Variants in A4GALT observed in about 807,000 individuals in gnomAD.
A4GALT encodes lactosylceramide 4-alpha-galactosyltransferase.
For synonymous variants in A4GALT, 257 were observed against 220.7 expected (o/e 1.16, Z -1.46); for missense variants, 512 against 486.0 (o/e 1.05, Z -0.50).
At chr22:42,717,509 C>G (rs1174627529) in intron 1 of A4GALT, among the ~76,000 whole-genome samples, 1 of 152,164 alleles carries the variant, frequency 6.6e-6, no homozygotes, top group Non-Finnish European at 1.5e-5. Context: ...GCCTCCTGTC[C>G]TCACCAGCCC....
chr22:42,709,901 A>G (rs1349227874), intron 1 of A4GALT, among the ~76,000 whole-genome samples: 1 of 152,244 alleles, frequency 6.6e-6, no homozygotes. Flanking sequence ...ATAATTCATC[A>G]TATTAAATAG....
intron 1 of A4GALT, among the ~76,000 whole-genome samples, chr22:42,709,067 A>ATATATTTTTTTTTTT (rs1180529043): frequency 2.6e-4 from 33 of 128,832 alleles, no homozygotes; most frequent in South Asian, 1.3e-3. Context: ...ATATATATAT[A>ATATATTTTTTTTTTT]TTTTTTTTAA....
At chr22:42,715,478 T>C (rs1922090041) in intron 1 of A4GALT, among the ~76,000 whole-genome samples, 1 of 151,910 alleles carries the variant, frequency 6.6e-6, no homozygotes, top group Admixed American at 6.6e-5. Flanking sequence ...TCCCAGCACT[T>C]TGGGAGGTGG....
At position 42,692,379 on chromosome 22, in the gene A4GALT, A is replaced by T. The variant is rs1930495310; in HGVS notation, c.*511T>A. 1 of 312,658 alleles carries T rather than the reference A, an allele frequency of 3.2e-6. No homozygotes were observed. Among genetic ancestry groups the T allele is most frequent in the African/African-American group, 2.2e-5 (1 of 45,178 alleles). The allele number at this position is 312,658 out of a possible 1,614,324, so 19.4% of individuals were successfully genotyped here. A position where few individuals can be genotyped will look rare whatever the true frequency, so the allele number is the denominator to read the frequency against. On this transcript the variant is annotated 3_prime_UTR_variant, in exon 3 of 3. Transcript: ENST00000642412. The surrounding 1 kb of genome is among the most constrained non-coding windows in gnomAD (Gnocchi z 4.6). Reference sequence around the variant, plus strand: ...CCTCTGCCCCACTCAGTCCCTGTTGACCTCCCCCACCCCCCGCGAAAGAGG... The same window carrying T: ...CCTCTGCCCCACTCAGTCCCTGTTGTCCTCCCCCACCCCCCGCGAAAGAGG...
chr22:42,694,126 G>A (rs1267856911), intron 2 of A4GALT, 129 bp from the exon 3 acceptor site: 20 of 644,780 alleles, frequency 3.1e-5, no homozygotes, highest in Non-Finnish European at 4.8e-5. Flanking sequence ...GGCCCACAGG[G>A]GCCAAGGCTT....
chr22:42,701,869 G>A (rs994359763), intron 1 of A4GALT, among the ~76,000 whole-genome samples: 1 of 152,174 alleles, frequency 6.6e-6, no homozygotes, highest in African/African-American at 2.4e-5. Flanking sequence ...GCAGAGCCAA[G>A]GGAAGGAGAC....
intron 1 of A4GALT, among the ~76,000 whole-genome samples, chr22:42,706,354 C>CAAAAAA (rs1164664187): frequency 1.4e-4 from 12 of 83,808 alleles, no homozygotes; most frequent in East Asian, 7.7e-4. Context: ...GACTCCATCC[C>CAAAAAA]AAAAAAAAAA....
At chr22:42,710,680 G>C (rs963212051) in intron 1 of A4GALT, among the ~76,000 whole-genome samples, 1 of 150,178 alleles carries the variant, frequency 6.7e-6, no homozygotes, top group Non-Finnish European at 1.5e-5. Context: ...CTGGGCAACA[G>C]AGCAAGACTC....
rs146064760 is a variant in A4GALT, at chr22:42,701,889, C to T, written c.-187-6258G>A. 2.7e-3 allele frequency among the ~76,000 whole-genome samples: 413 copies of T among 152,276 alleles called. 1 individual carries two copies. The highest frequency in any genetic ancestry group is 4.7e-3 in the Non-Finnish European group (323 of 68,004). Reference sequence around the variant, plus strand: ...GCCAAGGGAAGGAGACAGAGACCCACGTGACACTGTCATGACACGTGGATC... The same window carrying T: ...GCCAAGGGAAGGAGACAGAGACCCATGTGACACTGTCATGACACGTGGATC... On this transcript the variant is annotated intron_variant, in intron 1 of 2. Transcript: ENST00000642412.
At chr22:42,697,470 C>T (rs968638559) in intron 1 of A4GALT, among the ~76,000 whole-genome samples, 3 of 152,140 alleles carry the variant, frequency 2.0e-5, no homozygotes, top group Non-Finnish European at 4.4e-5. Flanking sequence ...GTTGGAGGGC[C>T]AGTAGCAGCA....
rs535098659 is a variant in A4GALT at position 42,705,366 on chromosome 22, C to T, written c.-187-9735G>A. Among the ~76,000 whole-genome samples the T allele has an allele frequency of 1.1e-4, 17 of 152,152 alleles. No individual in the cohort carries two copies. In the East Asian group the frequency reaches 3.1e-3, roughly 28 times the overall value. ...CTGTAATCTCAGCACTTTGGGGGCC[C>T]GAGGTGGGTGGATCACTTGAGGTCG... is the stretch of plus-strand genomic sequence containing the variant. On this transcript the variant is annotated intron_variant, in intron 1 of 2. Coordinates refer to ENST00000642412, the MANE Select transcript of A4GALT (RefSeq NM_017436.7).
chr22:42,694,011 G>A lies in A4GALT; in HGVS notation c.-46-14C>T, dbSNP rs144190135. 861 of 1,433,384 alleles carry A rather than the reference G, an allele frequency of 6.0e-4. 7 individuals are homozygous for A. In the African/African-American group the frequency reaches 0.011, roughly 18 times the overall value. The allele number at this position is 1,433,384 out of a possible 1,614,324, so 88.8% of individuals were successfully genotyped here. On this transcript the variant is annotated splice_polypyrimidine_tract_variant and intron_variant, in intron 2 of 2. Coordinates refer to ENST00000642412, the MANE Select transcript of A4GALT (RefSeq NM_017436.7). ...GAACCGGCTGGTCTGCAAGAGATGA[G>A]CACCCGCCATCAGGGAGGCCGTTGG...
At chr22:42,717,000 C>T (rs1922246430) in intron 1 of A4GALT, among the ~76,000 whole-genome samples, 1 of 152,190 alleles carries the variant, frequency 6.6e-6, no homozygotes, top group Admixed American at 6.5e-5. Flanking sequence ...GGCTGTGGTG[C>T]TCCTGCTGGA....
At chr22:42,703,057 CTGTGTG>C (rs71311456) in intron 1 of A4GALT, among the ~76,000 whole-genome samples, 25 of 134,414 alleles carry the variant, frequency 1.9e-4, no homozygotes, top group Admixed American at 9.2e-4. Context: ...TGCTGCCCTG[CTGTGTG>C]TGTGTGTGTG....
intron 1 of A4GALT, chr22:42,718,434 T>A (rs1445176297): frequency 8.0e-6 from 1 of 125,184 alleles, no homozygotes; most frequent in Admixed American, 8.2e-5. Context: ...GTTAATTTAT[T>A]GTATTTTTAG....
At chr22:42,708,844 C>CA (rs1363603946) in intron 1 of A4GALT, among the ~76,000 whole-genome samples, 5 of 151,634 alleles carry the variant, frequency 3.3e-5, no homozygotes, top group African/African-American at 1.2e-4. Context: ...AATTTCTGGA[C>CA]AAAAATAATA....
intron 1 of A4GALT, among the ~76,000 whole-genome samples, chr22:42,714,197 C>T (rs547843316): frequency 1.4e-5 from 2 of 144,868 alleles, no homozygotes; most frequent in South Asian, 4.4e-4. Context: ...ACTGCGTGAG[C>T]CCAGAAGGCT....
intron 1 of A4GALT, among the ~76,000 whole-genome samples, 162 bp from the exon 2 acceptor site, chr22:42,695,793 A>G (rs1409356868): frequency 6.6e-6 from 1 of 152,088 alleles, no homozygotes; most frequent in East Asian, 1.9e-4. Flanking sequence ...CAGGCCCTGC[A>G]CTGGTACCCA....
At position 42,693,663 on chromosome 22, in the gene A4GALT, A is replaced by C. The variant is rs764940726; in HGVS notation, c.289T>G (p.Ser97Ala). The C allele has an allele frequency of 2.5e-6, 4 of 1,590,796 alleles. No individual in the cohort carries two copies. Among genetic ancestry groups the C allele is most frequent in the Non-Finnish European group, 3.4e-6 (4 of 1,167,814 alleles). The change falls in exon 3 of 3, where the codon TCG (serine) becomes GCG (alanine). Residue 97 changes from serine to alanine, a missense_variant. By Grantham distance (99) the Ser-to-Ala change is moderately conservative (BLOSUM62 1). Coordinates refer to ENST00000642412, the MANE Select transcript of A4GALT (RefSeq NM_017436.7). ...RTNPNFLFMC[S>A]VESAARTHPE... ...TGAGTTCTGGCGGCCGACTCCACCG[A>C]GCACATGAACAGGAAGTTGGGGTTG...
Sources: gnomAD v4.1 joint callset for allele counts (sites outside exome capture counted in the v4.1 genomes callset) on GRCh38, gnomAD v4.1.1 for gene constraint, Gnocchi (gnomAD v3.1) non-coding constraint, MANE v1.5 for transcripts, NCBI Gene and HGNC (gene_info 2026-07-23, HGNC 2026-07-21) for gene names.